SGCZ: variants seen among roughly 807,000 people sequenced by gnomAD.
SGCZ encodes the protein zeta-sarcoglycan.
Under a neutral mutation model 41.3 loss-of-function variants are expected in SGCZ, and 40 were observed. The observed-to-expected ratio is 0.97, with a 90% confidence interval of 0.75 to 1.26. SGCZ has a LOEUF of 1.26. Ranked by LOEUF, SGCZ falls within the 50% of genes most tolerant of loss-of-function variation. The probability of loss-of-function intolerance (pLI) is 0.00; values close to 1 mark genes in which losing one functional copy is unlikely to be tolerated. For missense variants in SGCZ, 552 were observed against 369.8 expected (o/e 1.49, Z -4.04); for synonymous variants, 206 against 137.5 (o/e 1.50, Z -3.49).
At chr8:14,323,548 T>C (rs1341191172) in intron 3 of SGCZ, among the ~76,000 whole-genome samples, 2 of 152,054 alleles carry the variant, frequency 1.3e-5, no homozygotes, top group Admixed American at 6.6e-5. Context: ...TAAGCTACAA[T>C]CTTAATTTTT....
At chr8:14,821,132 T>A (rs1169672357) in intron 1 of SGCZ, among the ~76,000 whole-genome samples, 1 of 151,742 alleles carries the variant, frequency 6.6e-6, no homozygotes, top group African/African-American at 2.4e-5. Flanking sequence ...AAAAAAGAAA[T>A]GTTAAAACTG....
intron 1 of SGCZ, among the ~76,000 whole-genome samples, chr8:15,010,886 C>G (rs1802802801): frequency 6.6e-6 from 1 of 152,188 alleles, no homozygotes; most frequent in Non-Finnish European, 1.5e-5. Context: ...ATGCTGCTCC[C>G]TATACATTGT....
chr8:14,787,652 G>C (rs1268825287), intron 1 of SGCZ, among the ~76,000 whole-genome samples: 1 of 152,016 alleles, frequency 6.6e-6, no homozygotes, highest in Non-Finnish European at 1.5e-5. Context: ...TTTGAGACCA[G>C]CCTGACCAAC....
At chr8:15,092,455 A>ATT (rs972637368) in intron 1 of SGCZ, among the ~76,000 whole-genome samples, 1 of 152,212 alleles carries the variant, frequency 6.6e-6, no homozygotes, top group African/African-American at 2.4e-5. Flanking sequence ...AGTGGGAAAA[A>ATT]TTTTAACAAC....
At chr8:14,466,067 C>A (rs1159967275) in intron 2 of SGCZ, among the ~76,000 whole-genome samples, 1 of 151,930 alleles carries the variant, frequency 6.6e-6, no homozygotes, top group Non-Finnish European at 1.5e-5. Context: ...TTTATCTCTT[C>A]ATACGGCTTT....
intron 1 of SGCZ, among the ~76,000 whole-genome samples, chr8:15,233,006 G>T (rs1489766336): frequency 6.6e-6 from 1 of 151,446 alleles, no homozygotes; most frequent in Admixed American, 6.6e-5. Context: ...TCAAATTAAG[G>T]TTACCTGTTT....
At chr8:14,564,872 C>A (rs1267483592) in intron 1 of SGCZ, among the ~76,000 whole-genome samples, 1 of 152,086 alleles carries the variant, frequency 6.6e-6, no homozygotes, top group East Asian at 1.9e-4. Context: ...TTCTCCCTAT[C>A]TATGATACTT....
chr8:14,896,009 C>G (rs868482736), intron 1 of SGCZ, among the ~76,000 whole-genome samples: 8 of 152,182 alleles, frequency 5.3e-5, no homozygotes, highest in Admixed American at 3.3e-4. Context: ...AAACCATTCC[C>G]TCAGTCCAAT....
At chr8:14,639,406 C>T (rs1234799745) in intron 1 of SGCZ, among the ~76,000 whole-genome samples, 1 of 151,582 alleles carries the variant, frequency 6.6e-6, no homozygotes, top group Admixed American at 6.6e-5. Flanking sequence ...TTTTAAGGGC[C>T]ATATTCTTTA....
intron 4 of SGCZ, among the ~76,000 whole-genome samples, chr8:14,220,195 A>G (rs2054431): frequency 0.5 from 75,368 of 151,982 alleles, 20,437 homozygotes; most frequent in East Asian, 0.75. Context: ...TACAGCCCCA[A>G]CTGAACTGAA....
chr8:14,737,102 C>T (rs554386159), intron 1 of SGCZ, among the ~76,000 whole-genome samples: 2 of 144,824 alleles, frequency 1.4e-5, no homozygotes, highest in Non-Finnish European at 3.0e-5. Context: ...TATCTATATA[C>T]CAGATACATA....
At chr8:14,856,482 A>G (rs1201135703) in intron 1 of SGCZ, among the ~76,000 whole-genome samples, 1 of 152,186 alleles carries the variant, frequency 6.6e-6, no homozygotes, top group East Asian at 1.9e-4. Flanking sequence ...AGTTTTCCAC[A>G]CTCAGCTTGG....
chr8:14,681,118 AC>A (rs1165212900), intron 1 of SGCZ, among the ~76,000 whole-genome samples: 1 of 152,132 alleles, frequency 6.6e-6, no homozygotes, highest in Non-Finnish European at 1.5e-5. Flanking sequence ...AAACAGGCCC[AC>A]AACAACTGTA....
intron 1 of SGCZ, among the ~76,000 whole-genome samples, chr8:14,649,378 T>C (rs985997723): frequency 1.3e-5 from 2 of 152,082 alleles, no homozygotes; most frequent in African/African-American, 2.4e-5. Flanking sequence ...GCTTCCCTAA[T>C]ATGAAGGGAC....
chr8:14,213,057 G>A (rs1367450523), intron 4 of SGCZ, among the ~76,000 whole-genome samples: 1 of 152,056 alleles, frequency 6.6e-6, no homozygotes, highest in Admixed American at 6.6e-5. Context: ...TGGATTCTCA[G>A]GGACTGTGGG....
At chr8:14,721,022 C>A (rs906516970) in intron 1 of SGCZ, among the ~76,000 whole-genome samples, 1 of 150,656 alleles carries the variant, frequency 6.6e-6, no homozygotes, top group African/African-American at 2.4e-5. Context: ...ACATAGCAGA[C>A]CATTTTCTCC....
At chr8:14,761,515 A>ATTATTT (rs1799870865) in intron 1 of SGCZ, among the ~76,000 whole-genome samples, 3 of 148,698 alleles carry the variant, frequency 2.0e-5, no homozygotes, top group Non-Finnish European at 4.5e-5. Flanking sequence ...TATTATTATT[A>ATTATTT]TTATTTTATT....
At position 14,237,581 on chromosome 8, in the gene SGCZ, A is replaced by T; in HGVS notation, c.424+11T>A. On this transcript the variant is annotated intron_variant, in intron 4 of 7. Coordinates refer to ENST00000382080, the MANE Select transcript of SGCZ (RefSeq NM_139167.4). ...GCACAGTAGGAGCAATCTTTACCCC[A>T]AAACACTCACCTATGGTCAGCTGTC... 1 of 1,612,326 alleles carries T rather than the reference A, an allele frequency of 6.2e-7. No individual in the cohort carries two copies. Among genetic ancestry groups the T allele is most frequent in the Non-Finnish European group, 8.5e-7 (1 of 1,178,988 alleles).
chr8:14,596,503 T>C (rs1805417983), intron 1 of SGCZ, among the ~76,000 whole-genome samples: 1 of 152,222 alleles, frequency 6.6e-6, no homozygotes, highest in Non-Finnish European at 1.5e-5. Flanking sequence ...GTTTAAATAA[T>C]AATAAAAGGT....
Sources: allele counts gnomAD v4.1 joint callset (sites outside exome capture counted in the v4.1 genomes callset), GRCh38; gene constraint gnomAD v4.1.1; transcripts MANE v1.5; gene names NCBI Gene and HGNC (gene_info 2026-07-23, HGNC 2026-07-21).